CRY1: variants seen among roughly 807,000 people sequenced by gnomAD.
CRY1 encodes the protein cryptochrome-1.
CRY1 carries 45 observed loss-of-function variants against 76.0 expected under a neutral mutation model. The observed-to-expected ratio is 0.59, with a 90% confidence interval of 0.47 to 0.76. CRY1 has a LOEUF of 0.76. CRY1 is among the 30% of genes least tolerant of loss of function. The pLI, the probability that CRY1 is intolerant of heterozygous loss-of-function variation, is 0.00. For missense variants in CRY1, 587 were observed against 716.4 expected (o/e 0.82, Z 2.06); for synonymous variants, 248 against 244.0 (o/e 1.02, Z -0.15).
intron 1 of CRY1, among the ~76,000 whole-genome samples, chr12:107,055,395 TA>T (rs1363819903): frequency 5.3e-5 from 8 of 152,092 alleles, no homozygotes; most frequent in South Asian, 2.1e-4. Flanking sequence ...GAATGTGGAA[TA>T]AAACTACAGT....
chr12:107,005,240 G>A lies in CRY1; in HGVS notation c.276C>T (p.Asn92=), dbSNP rs1593496909. The change falls in exon 3 of 13, where the codon AAC becomes AAT. Residue 92 remains asparagine (N), a synonymous_variant. Transcript: ENST00000008527. Reference sequence around the variant, plus strand: ...CATACTCAATTGAAAGTTTAGTAATGTTCCATTCCTAAAGTAAGAGAAAGG... The same window carrying A: ...CATACTCAATTGAAAGTTTAGTAATATTCCATTCCTAAAGTAAGAGAAAGG... The part of the protein sequence containing the change: ...DVFPRLFKEW[N]ITKLSIEYDS... 2 of 1,610,382 alleles carry A rather than the reference G, an allele frequency of 1.2e-6. No individual in the cohort carries two copies. The highest frequency in any genetic ancestry group is 8.5e-7 in the Non-Finnish European group (1 of 1,178,520).
Position 107,012,630 on chromosome 12 carries a change from A to C in CRY1, c.268-7382T>G, listed in dbSNP as rs115870988. On this transcript the variant is annotated intron_variant, in intron 2 of 12. Coordinates refer to ENST00000008527, the MANE Select transcript of CRY1 (RefSeq NM_004075.5). Reference sequence around the variant, plus strand: ...TTCTGACTTTCAAGTTTTATTAAGAAACACATTTTGTAAGGCTATAGCTGC... The same window carrying C: ...TTCTGACTTTCAAGTTTTATTAAGACACACATTTTGTAAGGCTATAGCTGC... 5.9e-3 allele frequency among the ~76,000 whole-genome samples: 904 copies of C among 152,320 alleles called. 5 individuals are homozygous for C. Among genetic ancestry groups the C allele is most frequent in the African/African-American group, 0.021 (872 of 41,554 alleles).
rs370593083 is a variant in CRY1, at chr12:107,080,888, T to C, written c.158+11916A>G. ...CATAGTTGCAGGAGTGGAACACAGTTAATGCTAAGTTCTGTTCCTTTGTTG... is the reference window on the plus strand; with the variant it reads ...CATAGTTGCAGGAGTGGAACACAGTCAATGCTAAGTTCTGTTCCTTTGTTG... On this transcript the variant is annotated intron_variant, in intron 1 of 12. Coordinates refer to ENST00000008527, the MANE Select transcript of CRY1 (RefSeq NM_004075.5). Among the ~76,000 whole-genome samples, 86 of 152,216 alleles carry C rather than the reference T, an allele frequency of 5.6e-4. No homozygotes were observed. The East Asian group carries it at 0.014, about 24-fold the overall frequency.
chr12:107,070,257 G>T (rs1193681139), intron 1 of CRY1, among the ~76,000 whole-genome samples: 1 of 152,114 alleles, frequency 6.6e-6, no homozygotes, highest in Admixed American at 6.6e-5. Context: ...GATATAATAT[G>T]GTAAAGGTCT....
chr12:107,027,526 ATAT>A (rs1374872667), intron 1 of CRY1, among the ~76,000 whole-genome samples: 2 of 152,172 alleles, frequency 1.3e-5, no homozygotes, highest in Non-Finnish European at 2.9e-5. Flanking sequence ...CACAGTCCTC[ATAT>A]TATTTAATTA....
At chr12:107,052,186 C>A (rs1593526494) in intron 1 of CRY1, among the ~76,000 whole-genome samples, 1 of 75,624 alleles carries the variant, frequency 1.3e-5, no homozygotes, top group Non-Finnish European at 3.7e-5. Context: ...GAATTCTATA[C>A]CCAGTGTAAA....
chr12:106,998,644 A>T (rs1450057633), intron 7 of CRY1, among the ~76,000 whole-genome samples: 1 of 142,890 alleles, frequency 7.0e-6, no homozygotes, highest in Non-Finnish European at 1.5e-5. Context: ...GTGTACTAGG[A>T]AATATAAGAG....
At chr12:107,085,008 G>T (rs1359284725) in intron 1 of CRY1, among the ~76,000 whole-genome samples, 3 of 149,940 alleles carry the variant, frequency 2.0e-5, no homozygotes. Flanking sequence ...GTGGGTGAAG[G>T]ATATGAACAG....
In CRY1 at chr12:107,093,085, G is replaced by A. The variant is rs3809238; in HGVS notation, c.-124C>T. 75,057 of 1,203,044 alleles carry A rather than the reference G, an allele frequency of 0.062. 4,786 individuals carry two copies. Among genetic ancestry groups the A allele is most frequent in the African/African-American group, 0.25 (16,038 of 64,158 alleles). The allele number at this position is 1,203,044 out of a possible 1,614,324, so 74.5% of individuals were successfully genotyped here. ...GCGTGAGGAAAGGGCGGCAGAGGGG[G>A]AACAGGAAAAAATGACTCCGAGGAG... On this transcript the variant is annotated 5_prime_UTR_variant, in exon 1 of 13. Transcript: ENST00000008527.
intron 1 of CRY1, among the ~76,000 whole-genome samples, chr12:107,031,370 CTTTT>C (rs1190940981): frequency 7.4e-6 from 1 of 134,876 alleles, no homozygotes. Context: ...AGACATAAAT[CTTTT>C]TTTTTTTTTT....
chr12:107,075,142 C>A (rs1953237198), intron 1 of CRY1, among the ~76,000 whole-genome samples: 1 of 152,188 alleles, frequency 6.6e-6, no homozygotes, highest in Admixed American at 6.5e-5. Context: ...GACTGATGGA[C>A]ATGGCTAATT....
intron 1 of CRY1, among the ~76,000 whole-genome samples, chr12:107,062,429 A>C (rs1953059217): frequency 6.6e-6 from 1 of 152,214 alleles, no homozygotes; most frequent in Non-Finnish European, 1.5e-5. Context: ...CAGCAATTAC[A>C]TTACAGTACA....
Position 106,999,905 on chromosome 12 carries a change from A to T in CRY1, c.825+37T>A. The T allele has an allele frequency of 1.9e-6, 3 of 1,583,794 alleles. No homozygotes were observed. In the South Asian group the frequency reaches 3.5e-5, roughly 19 times the overall value. On this transcript the variant is annotated intron_variant, in intron 6 of 12. Coordinates refer to ENST00000008527, the MANE Select transcript of CRY1 (RefSeq NM_004075.5). ...AGAAGTATTATCAGAATTTTTTTTT[A>T]AAGTATTAAACAATAAGCTCTAATT...
chr12:107,053,483 A>T (rs1952946522), intron 1 of CRY1, among the ~76,000 whole-genome samples: 1 of 151,920 alleles, frequency 6.6e-6, no homozygotes, highest in African/African-American at 2.4e-5. Context: ...CACCCGACAA[A>T]TTTTTTGTAT....
At chr12:107,042,793 G>T (rs539631488) in intron 1 of CRY1, among the ~76,000 whole-genome samples, 2 of 152,256 alleles carry the variant, frequency 1.3e-5, no homozygotes, top group South Asian at 2.1e-4. Flanking sequence ...GAAATGCCGG[G>T]CCTCCACCAC....
chr12:107,090,081 CT>C (rs760511273), intron 1 of CRY1, among the ~76,000 whole-genome samples: 1 of 151,248 alleles, frequency 6.6e-6, no homozygotes, highest in Non-Finnish European at 1.5e-5. Context: ...TTCCTTCTTT[CT>C]TTTTTTTCTT....
chr12:107,052,804 T>A (rs2888896), intron 1 of CRY1, among the ~76,000 whole-genome samples: 3 of 152,008 alleles, frequency 2.0e-5, no homozygotes, highest in Non-Finnish European at 4.4e-5. Flanking sequence ...GCACAGAGAG[T>A]GAAAGAGTGG....
At chr12:107,037,430 G>A (rs1160796314) in intron 1 of CRY1, among the ~76,000 whole-genome samples, 1 of 152,098 alleles carries the variant, frequency 6.6e-6, no homozygotes, top group Non-Finnish European at 1.5e-5. Flanking sequence ...TACTCGGGAG[G>A]CAGAGGCAGG....
chr12:107,009,563 CATATATATATATATATATATAT>C (rs869185018), intron 2 of CRY1, among the ~76,000 whole-genome samples: 8 of 90,972 alleles, frequency 8.8e-5, no homozygotes, highest in Non-Finnish European at 1.2e-4. Context: ...AACAAAAAAA[CATATATATATATATATATATAT>C]ATATATATAT....
Sources: allele counts gnomAD v4.1 joint callset (sites outside exome capture counted in the v4.1 genomes callset), GRCh38; gene constraint gnomAD v4.1.1; transcripts MANE v1.5; gene names NCBI Gene and HGNC (gene_info 2026-07-23, HGNC 2026-07-21).